Variants in ASIC2 observed in about 807,000 individuals in gnomAD.
ASIC2 encodes acid sensing ion channel subunit 2.
Under a neutral mutation model 57.3 loss-of-function variants are expected in ASIC2, and 25 were observed. That is an observed-to-expected ratio of 0.44 (90% CI 0.32 to 0.61). ASIC2 has a LOEUF of 0.61. ASIC2 is among the 20% of genes least tolerant of loss of function. The pLI is 0.06. For synonymous variants in ASIC2, 319 were observed against 307.5 expected, an observed-to-expected ratio of 1.04 and a Z score of -0.39; for missense variants, 641 against 738.1, an observed-to-expected ratio of 0.87 and a Z score of 1.52.
intron 1 of ASIC2, among the ~76,000 whole-genome samples, chr17:34,114,740 G>A (rs1476990462): frequency 6.6e-6 from 1 of 152,170 alleles, no homozygotes; most frequent in South Asian, 2.1e-4. Flanking sequence ...GATGCAAAGG[G>A]TGGAGGCACA....
chr17:33,394,334 G>A (rs1287008766), intron 1 of ASIC2, among the ~76,000 whole-genome samples: 2 of 152,202 alleles, frequency 1.3e-5, no homozygotes, highest in East Asian at 1.9e-4. Context: ...AAGGGGTAGA[G>A]CATCAGCTCT....
intron 1 of ASIC2, among the ~76,000 whole-genome samples, chr17:33,718,358 G>A (rs1331710622): frequency 2.6e-5 from 4 of 152,134 alleles, no homozygotes; most frequent in Admixed American, 6.5e-5. Flanking sequence ...TTTACAGAAA[G>A]GGTGTTTTAC....
chr17:33,281,483 T>C (rs553193749), intron 1 of ASIC2, among the ~76,000 whole-genome samples: 148 of 152,358 alleles, frequency 9.7e-4, no homozygotes, highest in Non-Finnish European at 1.6e-3. Flanking sequence ...ACTAAACATT[T>C]ATCCACAAAC....
chr17:33,271,645 T>C (rs147312241), intron 1 of ASIC2, among the ~76,000 whole-genome samples: 13 of 152,274 alleles, frequency 8.5e-5, no homozygotes, highest in African/African-American at 2.9e-4. Flanking sequence ...CTTCAATATA[T>C]GCCAAATTGG....
In ASIC2 at chr17:33,873,734, T is replaced by A. The variant is rs190420611; in HGVS notation, c.555+282244A>T. Among the ~76,000 whole-genome samples, 446 of 152,360 alleles carry A rather than the reference T, an allele frequency of 2.9e-3. 2 individuals are homozygous for A. The highest frequency in any genetic ancestry group is 4.8e-3 in the Non-Finnish European group (325 of 68,044). On this transcript the variant is annotated intron_variant, in intron 1 of 9. Transcript: ENST00000359872. The stretch of plus-strand genomic sequence containing the variant: ...AGTAGGATTCAAGCCCATGCCTGTC[T>A]AACCTTGTGCATAGTTCATCCCACC...
At chr17:34,152,845 C>T (rs2142145478) in intron 1 of ASIC2, among the ~76,000 whole-genome samples, 1 of 152,310 alleles carries the variant, frequency 6.6e-6, no homozygotes, top group Admixed American at 6.5e-5. Context: ...ATCCCTCCTC[C>T]TTCCTTCCAC....
chr17:33,759,423 C>T (rs1024383416), intron 1 of ASIC2, among the ~76,000 whole-genome samples: 1 of 152,168 alleles, frequency 6.6e-6, no homozygotes, highest in Non-Finnish European at 1.5e-5. Context: ...AAACGTACAG[C>T]CTGGCCATGT....
At chr17:33,892,861 T>A (rs970373853) in intron 1 of ASIC2, among the ~76,000 whole-genome samples, 1 of 152,068 alleles carries the variant, frequency 6.6e-6, no homozygotes, top group African/African-American at 2.4e-5. Context: ...CTGAATAGAT[T>A]AGCAGCAGCG....
Position 34,115,357 on chromosome 17 carries a change from G to A in ASIC2, c.555+40621C>T, listed in dbSNP as rs117437441. On this transcript the variant is annotated intron_variant, in intron 1 of 9. Coordinates refer to the ASIC2 transcript ENST00000359872. Reference sequence around the variant, plus strand: ...TAGAACTCATGTTTCCCAATCATCCGTTCAGTACTAGAATCTCCTTAATGT... The same window carrying A: ...TAGAACTCATGTTTCCCAATCATCCATTCAGTACTAGAATCTCCTTAATGT... Among the ~76,000 whole-genome samples the A allele has an allele frequency of 9.9e-5, 15 of 152,244 alleles. No homozygotes were observed. In the East Asian group the frequency reaches 1.4e-3, roughly 14 times the overall value.
At chr17:33,559,046 C>T (rs907980461) in intron 1 of ASIC2, among the ~76,000 whole-genome samples, 1 of 152,176 alleles carries the variant, frequency 6.6e-6, no homozygotes, top group Admixed American at 6.5e-5. Flanking sequence ...GCATGAGCCA[C>T]CATGCCTGGC....
Position 33,635,387 on chromosome 17 carries a change from A to G in ASIC2, c.555+520591T>C, listed in dbSNP as rs148360977. ...TTTAGGTTAGGCAAATTACTCGACTATTATCTCACGGCTGTGAGGCATAGT... is the reference window on the plus strand; with the variant it reads ...TTTAGGTTAGGCAAATTACTCGACTGTTATCTCACGGCTGTGAGGCATAGT... On this transcript the variant is annotated intron_variant, in intron 1 of 9. Coordinates refer to the ASIC2 transcript ENST00000359872. Among the ~76,000 whole-genome samples, 1,008 of 152,320 alleles carry G rather than the reference A, an allele frequency of 6.6e-3. 8 individuals carry two copies. Among genetic ancestry groups the G allele is most frequent in the Non-Finnish European group, 9.4e-3 (640 of 68,030 alleles).
intron 1 of ASIC2, among the ~76,000 whole-genome samples, chr17:33,523,940 CT>C (rs1914816094): frequency 6.6e-6 from 1 of 152,192 alleles, no homozygotes; most frequent in African/African-American, 2.4e-5. Flanking sequence ...GGAAATTGAT[CT>C]AATCTTGCTC....
intron 1 of ASIC2, among the ~76,000 whole-genome samples, chr17:33,819,965 C>G (rs896216107): frequency 6.6e-6 from 1 of 152,130 alleles, no homozygotes; most frequent in Non-Finnish European, 1.5e-5. Flanking sequence ...TCTCCTGCCT[C>G]TGAATTCCCT....
intron 1 of ASIC2, among the ~76,000 whole-genome samples, chr17:33,389,102 G>C (rs1336837454): frequency 6.6e-6 from 1 of 152,204 alleles, no homozygotes; most frequent in Non-Finnish European, 1.5e-5. Context: ...TGGGATTACA[G>C]GCACAAGCCA....
intron 1 of ASIC2, among the ~76,000 whole-genome samples, chr17:33,461,339 C>T (rs1912628716): frequency 6.6e-6 from 1 of 152,156 alleles, no homozygotes; most frequent in South Asian, 2.1e-4. Flanking sequence ...TTCCCATTGC[C>T]CTTCTCTATC....
chr17:34,039,025 A>G, intron 1 of ASIC2: 3 of 1,614,166 alleles, frequency 1.9e-6, no homozygotes, highest in Non-Finnish European at 2.5e-6. Flanking sequence ...TCTACACGCC[A>G]TCTTCTCTTG....
intron 1 of ASIC2, among the ~76,000 whole-genome samples, chr17:33,463,019 C>T (rs956607604): frequency 6.6e-6 from 1 of 152,208 alleles, no homozygotes; most frequent in Non-Finnish European, 1.5e-5. Context: ...AGCTATATAT[C>T]ATCTTCTCCA....
chr17:34,119,790 G>A (rs553033409), intron 1 of ASIC2, among the ~76,000 whole-genome samples: 138 of 152,240 alleles, frequency 9.1e-4, no homozygotes, highest in African/African-American at 2.8e-3. Flanking sequence ...CACAATTCCC[G>A]TCTGTTATGA....
chr17:33,118,792 G>A (rs2092290367), intron 1 of ASIC2, among the ~76,000 whole-genome samples: 2 of 152,060 alleles, frequency 1.3e-5, no homozygotes, highest in Admixed American at 6.5e-5. Flanking sequence ...GCTTTTCCTC[G>A]AAGCCTTCTG....
Sources: gnomAD v4.1 joint callset for allele counts (sites outside exome capture counted in the v4.1 genomes callset) on GRCh38, gnomAD v4.1.1 for gene constraint, MANE v1.5 for transcripts, NCBI Gene and HGNC (gene_info 2026-07-23, HGNC 2026-07-21) for gene names.